Variants in INPP4A observed in about 807,000 individuals in gnomAD.
INPP4A encodes inositol polyphosphate-4-phosphatase, type I, 107kD.
INPP4A carries 33 observed loss-of-function variants against 119.8 expected under a neutral mutation model. The observed-to-expected ratio is 0.28, with a 90% CI of 0.21 to 0.37. The LOEUF is 0.37. Ranked by LOEUF, INPP4A falls within the 10% of genes least tolerant of loss-of-function variation. The pLI is 1.00. For synonymous variants in INPP4A, 496 were observed against 500.7 expected (o/e 0.99, Z 0.12); for missense variants, 956 against 1,289.9 (o/e 0.74, Z 3.97).
chr2:98,498,811 G>C (rs1044597358), intron 1 of INPP4A, among the ~76,000 whole-genome samples: 4 of 152,224 alleles, frequency 2.6e-5, no homozygotes, highest in Non-Finnish European at 5.9e-5. Flanking sequence ...TCATGAAAGA[G>C]ATGACAGAGA....
At chr2:98,499,878 G>C (rs1209154986) in intron 1 of INPP4A, among the ~76,000 whole-genome samples, 2 of 152,202 alleles carry the variant, frequency 1.3e-5, no homozygotes, top group Admixed American at 1.3e-4. Flanking sequence ...TGGTAGGGGA[G>C]GGTGCAAGTG....
intron 3 of INPP4A, 75 bp downstream of exon 3, chr2:98,520,229 G>A: frequency 8.9e-7 from 1 of 1,126,640 alleles, no homozygotes; most frequent in Non-Finnish European, 1.3e-6. Context: ...CAGCAGTGCT[G>A]GCAGGTACCC....
chr2:98,563,583 C>T lies in INPP4A; in HGVS notation c.1974C>T (p.Thr658=). 6.2e-7 allele frequency: 1 copy of T among 1,613,666 alleles called. No individual in the cohort carries two copies. Among genetic ancestry groups the T allele is most frequent in the Non-Finnish European group, 8.5e-7 (1 of 1,179,890 alleles). Reference sequence around the variant, plus strand: ...TGCTCATGCAGGACAGCGCGCCCACCATAGCCACCTACCTGAGCCTGCAGT... The same window carrying T: ...TGCTCATGCAGGACAGCGCGCCCACTATAGCCACCTACCTGAGCCTGCAGT... ...VFLLMQDSAP[T]IATYLSLQYR... is the part of the protein sequence containing the mutation. Residue 658 remains threonine, a synonymous_variant, in exon 18 of 25, where the codon ACC becomes ACT. Transcript: ENST00000409851.
At chr2:98,574,607 C>T (rs1698099373) in intron 23 of INPP4A, among the ~76,000 whole-genome samples, 1 of 149,454 alleles carries the variant, frequency 6.7e-6, no homozygotes, top group South Asian at 2.1e-4. Context: ...TACTGCACTC[C>T]AGCCTGGGTG....
intron 1 of INPP4A, among the ~76,000 whole-genome samples, chr2:98,517,095 C>T (rs1336778718): frequency 6.6e-6 from 1 of 152,158 alleles, no homozygotes. Flanking sequence ...TCACCCTCCC[C>T]AGTCAGTACC....
chr2:98,458,944 C>T (rs758437808), intron 1 of INPP4A, among the ~76,000 whole-genome samples: 3 of 152,168 alleles, frequency 2.0e-5, no homozygotes, highest in African/African-American at 4.8e-5. Flanking sequence ...CTTTGTGGCC[C>T]GCTAACACCC....
At chr2:98,517,208 T>C (rs796958804) in intron 1 of INPP4A, among the ~76,000 whole-genome samples, 13 of 152,324 alleles carry the variant, frequency 8.5e-5, no homozygotes, top group African/African-American at 3.1e-4. Flanking sequence ...GTCTTAACTT[T>C]TCCCCTTGAC....
intron 4 of INPP4A, among the ~76,000 whole-genome samples, chr2:98,533,119 T>G (rs1338879004): frequency 9.9e-5 from 15 of 152,216 alleles, no homozygotes; most frequent in Admixed American, 3.3e-4. Flanking sequence ...TTCCACTCCA[T>G]GGACATGGGA....
At chr2:98,495,441 C>A (rs1681736807) in intron 1 of INPP4A, among the ~76,000 whole-genome samples, 1 of 152,200 alleles carries the variant, frequency 6.6e-6, no homozygotes, top group Admixed American at 6.5e-5. Context: ...GAGTCAAACT[C>A]TGTAAAATAT....
rs1029938220 is a variant in INPP4A at position 98,590,367 on chromosome 2, T to C, written c.*2759T>C. On this transcript the variant is annotated 3_prime_UTR_variant, in exon 25 of 25. Transcript: ENST00000409851. ...GCGTTGAGGTTAAGAGCACGGACTT[T>C]GGGAGCACACAGACCAGGTCCCAAT... is the stretch of plus-strand genomic sequence containing the variant. The C allele has an allele frequency of 5.3e-6, 1 of 187,310 alleles. No individual in the cohort carries two copies. Among genetic ancestry groups the C allele is most frequent in the African/African-American group, 2.3e-5 (1 of 42,786 alleles). 11.6% of individuals were successfully genotyped at this position (187,310 alleles called of 1,614,324 possible). A position where few individuals can be genotyped will look rare whatever the true frequency, so the allele number is the denominator to read the frequency against.
rs1047476456 is a variant in INPP4A, at chr2:98,544,131, A to G, written c.949+124A>G. On this transcript the variant is annotated intron_variant, in intron 11 of 24. Coordinates refer to ENST00000409851, the MANE Select transcript of INPP4A (RefSeq NM_001134225.2). ...GGATCTGGAACACAGGGTCACTTACACATTCCCACTGACAGACACTTTAAT... is the reference window on the plus strand; with the variant it reads ...GGATCTGGAACACAGGGTCACTTACGCATTCCCACTGACAGACACTTTAAT... The G allele has an allele frequency of 8.5e-6, 7 of 822,466 alleles. No individual in the cohort carries two copies. In the Admixed American group the frequency reaches 2.0e-4, roughly 24 times the overall value. The allele number at this position is 822,466 out of a possible 1,614,324, so 50.9% of individuals were successfully genotyped here.
chr2:98,545,164 T>G (rs1288724440), intron 11 of INPP4A, among the ~76,000 whole-genome samples: 3 of 152,208 alleles, frequency 2.0e-5, no homozygotes, highest in Non-Finnish European at 4.4e-5. Context: ...TATGGCAAAT[T>G]GGAGAACACA....
At chr2:98,501,169 T>A (rs1683041462) in intron 1 of INPP4A, among the ~76,000 whole-genome samples, 1 of 152,068 alleles carries the variant, frequency 6.6e-6, no homozygotes, top group South Asian at 2.1e-4. Flanking sequence ...ATACAAAAAT[T>A]AGCTGGGTGT....
chr2:98,550,109 T>A (rs980718388), intron 13 of INPP4A, among the ~76,000 whole-genome samples: 1 of 152,018 alleles, frequency 6.6e-6, no homozygotes, highest in Non-Finnish European at 1.5e-5. Flanking sequence ...GTGTTTTGGG[T>A]TGAACCTTGT....
At chr2:98,544,582 C>T (rs1251249911) in intron 11 of INPP4A, among the ~76,000 whole-genome samples, 1 of 152,202 alleles carries the variant, frequency 6.6e-6, no homozygotes, top group East Asian at 1.9e-4. Context: ...TTTCAAAACA[C>T]TCTCAGGGCA....
Position 98,552,891 on chromosome 2 carries a change from C to T in INPP4A, c.1269C>T (p.Tyr423=), listed in dbSNP as rs370752570. 446 of 1,613,826 alleles carry T rather than the reference C, an allele frequency of 2.8e-4. 2 individuals are homozygous for T. The highest frequency in any genetic ancestry group is 2.0e-3 in the South Asian group (183 of 91,022). ...CCCTGAAAACCCAAGTGAGTTACTA[C>T]GCAGAGCGGCTGTCAAGGGCAGCCA... ...INTLKTQVSY[Y]AERLSRAAKD... The change falls in exon 14 of 25, where the codon TAC becomes TAT. Residue 423 remains tyrosine, a synonymous_variant. Coordinates refer to ENST00000409851, the MANE Select transcript of INPP4A (RefSeq NM_001134225.2).
At chr2:98,545,923 A>G in intron 11 of INPP4A, 46 bp from the exon 12 acceptor site, 1 of 1,353,060 alleles carries the variant, frequency 7.4e-7, no homozygotes. Flanking sequence ...TCGTGAATGC[A>G]GCATGTATGC....
chr2:98,549,059 G>A, intron 13 of INPP4A: 1 of 1,237,784 alleles, frequency 8.1e-7, no homozygotes. Flanking sequence ...CCTCCTGTGG[G>A]CTTCCCCTGC....
chr2:98,583,686 G>T (rs1320452303), intron 24 of INPP4A, among the ~76,000 whole-genome samples: 1 of 152,140 alleles, frequency 6.6e-6, no homozygotes, highest in Non-Finnish European at 1.5e-5. Flanking sequence ...ATTTAGAGAA[G>T]CTTGCTTTTC....
Sources: allele counts gnomAD v4.1 joint callset (sites outside exome capture counted in the v4.1 genomes callset), GRCh38; gene constraint gnomAD v4.1.1; transcripts MANE v1.5; gene names NCBI Gene and HGNC (gene_info 2026-07-23, HGNC 2026-07-21).